The following ATP11B variants were observed in gnomAD, a reference collection of about 807,000 sequenced individuals.
ATP11B encodes ATPase phospholipid transporting 11B (putative).
ATP11B carries 81 observed loss-of-function variants against 157.8 expected under a neutral mutation model. The observed-to-expected ratio is 0.51, with a 90% CI of 0.43 to 0.62. The LOEUF (loss-of-function observed/expected upper bound fraction) is 0.62. ATP11B is among the 20% of genes least tolerant of loss of function. The probability of loss-of-function intolerance (pLI) is 0.00; values close to 1 mark genes in which losing one functional copy is unlikely to be tolerated. For synonymous variants in ATP11B, 451 were observed against 469.4 expected, an observed-to-expected ratio of 0.96 and a Z score of 0.51; for missense variants, 1,165 against 1,402.2, an observed-to-expected ratio of 0.83 and a Z score of 2.70.
At chr3:182,812,836 T>G (rs1281266955) in intron 1 of ATP11B, among the ~76,000 whole-genome samples, 1 of 152,236 alleles carries the variant, frequency 6.6e-6, no homozygotes, top group Non-Finnish European at 1.5e-5. Flanking sequence ...AACTTTTTTA[T>G]CTTCCCAGCC....
chr3:182,893,473 C>A (rs1257767954), intron 25 of ATP11B, among the ~76,000 whole-genome samples: 1 of 152,164 alleles, frequency 6.6e-6, no homozygotes, highest in Admixed American at 6.6e-5. Flanking sequence ...ACTTCACTTA[C>A]AATAATGGTC....
At chr3:182,917,970 C>T (rs558833719) in intron 29 of ATP11B, 53 bp from the exon 30 acceptor site, 2 of 1,592,924 alleles carry the variant, frequency 1.3e-6, no homozygotes, top group Admixed American at 1.8e-5. Context: ...ATTTTTTTCT[C>T]AATTAAAACA....
At chr3:182,810,480 T>G (rs1716592675) in intron 1 of ATP11B, among the ~76,000 whole-genome samples, 1 of 152,182 alleles carries the variant, frequency 6.6e-6, no homozygotes, top group Non-Finnish European at 1.5e-5. Flanking sequence ...TAGACATGCT[T>G]TACTTTCTTT....
intron 2 of ATP11B, among the ~76,000 whole-genome samples, chr3:182,825,947 C>T (rs771408420): frequency 6.6e-6 from 1 of 151,956 alleles, no homozygotes; most frequent in Non-Finnish European, 1.5e-5. Context: ...AATTTTATAG[C>T]CATGTTTTAG....
At chr3:182,876,043 G>A (rs922633847) in intron 19 of ATP11B, among the ~76,000 whole-genome samples, 1 of 152,112 alleles carries the variant, frequency 6.6e-6, no homozygotes, top group East Asian at 1.9e-4. Context: ...AGGAGTTTGA[G>A]ATCAGCCTGG....
At chr3:182,804,113 AT>A (rs1379062451) in intron 1 of ATP11B, among the ~76,000 whole-genome samples, 1 of 150,780 alleles carries the variant, frequency 6.6e-6, no homozygotes, top group Non-Finnish European at 1.5e-5. Context: ...GTTTCTTCAT[AT>A]TTTTTCCCTT....
At chr3:182,891,219 G>A (rs1723153336) in intron 25 of ATP11B, among the ~76,000 whole-genome samples, 1 of 152,174 alleles carries the variant, frequency 6.6e-6, no homozygotes, top group Admixed American at 6.5e-5. Flanking sequence ...TAAGAGGGGA[G>A]GAGAGTTAAG....
chr3:182,857,175 T>A (rs1311182950), intron 10 of ATP11B, among the ~76,000 whole-genome samples: 2 of 152,252 alleles, frequency 1.3e-5, no homozygotes, highest in Non-Finnish European at 2.9e-5. Context: ...AGACAGAGTC[T>A]CGCTCTGTCG....
At chr3:182,891,381 A>G (rs977515233) in intron 25 of ATP11B, among the ~76,000 whole-genome samples, 9 of 152,210 alleles carry the variant, frequency 5.9e-5, no homozygotes, top group African/African-American at 2.2e-4. Context: ...AATAAATCAC[A>G]TGGTGGCCCT....
At chr3:182,870,728 C>T (rs1212096417) in intron 17 of ATP11B, among the ~76,000 whole-genome samples, 4 of 151,962 alleles carry the variant, frequency 2.6e-5, no homozygotes, top group African/African-American at 9.7e-5. Context: ...AATCCCAGCA[C>T]TTTGGGAGGC....
In ATP11B at chr3:182,859,349, A is replaced by G. The variant is rs1720656784; in HGVS notation, c.1190A>G (p.Glu397Gly). 2 of 1,584,426 alleles carry G rather than the reference A, an allele frequency of 1.3e-6. No individual in the cohort carries two copies. Among genetic ancestry groups the G allele is most frequent in the African/African-American group, 2.7e-5 (2 of 74,042 alleles). ...AQVNTSDLNE[E>G]LGQVEYVFTD... ...GTCAATACTTCCGATCTGAATGAAG[A>G]GCTTGGACAGGTGAAAATGATCCTA... Residue 397 changes from glutamate (E) to glycine (G), a missense_variant, in exon 12 of 30, where the codon GAG becomes GGG. Coordinates refer to ENST00000323116, the MANE Select transcript of ATP11B (RefSeq NM_014616.3).
chr3:182,806,084 G>A (rs1235891274), intron 1 of ATP11B, among the ~76,000 whole-genome samples: 1 of 152,162 alleles, frequency 6.6e-6, no homozygotes, highest in African/African-American at 2.4e-5. Context: ...GAGTTCATGA[G>A]TGGTAATGTT....
At chr3:182,906,670 C>T (rs978850297) in intron 28 of ATP11B, among the ~76,000 whole-genome samples, 1 of 152,022 alleles carries the variant, frequency 6.6e-6, no homozygotes, top group Non-Finnish European at 1.5e-5. Flanking sequence ...ACACTGGTCT[C>T]AAACTCCTGG....
At chr3:182,865,910 CTT>C (rs1216500015) in intron 13 of ATP11B, among the ~76,000 whole-genome samples, 1 of 141,730 alleles carries the variant, frequency 7.1e-6, no homozygotes, top group Non-Finnish European at 1.6e-5. Context: ...TGCCTTAGCT[CTT>C]TGAGTATTTA....
At chr3:182,840,129 C>G (rs1718892035) in intron 7 of ATP11B, among the ~76,000 whole-genome samples, 1 of 152,166 alleles carries the variant, frequency 6.6e-6, no homozygotes, top group Admixed American at 6.5e-5. Context: ...GTTTCAAATA[C>G]TGTATGGTAC....
intron 29 of ATP11B, chr3:182,917,525 T>C: frequency 1.0e-6 from 1 of 985,376 alleles, no homozygotes. Flanking sequence ...GCCTTTTGAA[T>C]ACATCATTCG....
rs1322598744 is a variant in ATP11B at position 182,872,471 on chromosome 3, T to C, written c.1982T>C (p.Leu661Ser). 6.2e-7 allele frequency: 1 copy of C among 1,614,174 alleles called. No individual in the cohort carries two copies. Among genetic ancestry groups the C allele is most frequent in the Admixed American group, 1.7e-5 (1 of 60,026 alleles). ...RTALQQREEKLAAVFQFIEKD... is the reference protein window; with the variant it reads ...RTALQQREEKSAAVFQFIEKD... ...GCCTTGCAGCAGCGGGAAGAGAAAT[T>C]GGCAGCTGTTTTCCAGTTCATAGAG... is the stretch of plus-strand genomic sequence containing the variant. Residue 661 changes from leucine to serine, a missense_variant, in exon 18 of 30, where the codon TTG becomes TCG. Leu to Ser is a moderately radical substitution (Grantham distance 145). Around this residue, in one of 4 missense-constraint regions of ATP11B, gnomAD observed 737 missense variants for 930.5 expected, o/e 0.79. Transcript: ENST00000323116.
intron 28 of ATP11B, chr3:182,902,395 C>T (rs1724028587): frequency 1.2e-5 from 8 of 678,684 alleles, no homozygotes; most frequent in African/African-American, 1.8e-5. Context: ...GATGTATTTA[C>T]AAAGCTTGTC....
intron 12 of ATP11B, among the ~76,000 whole-genome samples, chr3:182,861,943 CAA>C (rs35665738): frequency 5.2e-5 from 7 of 135,650 alleles, no homozygotes; most frequent in African/African-American, 1.1e-4. Context: ...GACCCTGTCT[CAA>C]AAAAAAAAAA....
Sources: allele counts gnomAD v4.1 joint callset (sites outside exome capture counted in the v4.1 genomes callset), GRCh38; gene constraint gnomAD v4.1.1; regional missense constraint gnomAD v4.1.1; transcripts MANE v1.5; gene names NCBI Gene and HGNC (gene_info 2026-07-23, HGNC 2026-07-21).